Variants in RASGRP3 observed in about 807,000 individuals in gnomAD.
The protein encoded by RASGRP3 is RAS guanyl releasing protein 3.
Under a neutral mutation model 82.7 loss-of-function variants are expected in RASGRP3, and 54 were observed. The observed-to-expected ratio is 0.65, with a 90% confidence interval of 0.52 to 0.82. The LOEUF is 0.82. Ranked by LOEUF, RASGRP3 falls within the 40% of genes least tolerant of loss-of-function variation. The pLI, the probability that RASGRP3 is intolerant of heterozygous loss-of-function variation, is 0.00. For missense variants in RASGRP3, 861 were observed against 828.9 expected (o/e 1.04, Z -0.48); for synonymous variants, 309 against 300.5 (o/e 1.03, Z -0.29).
chr2:33,545,715 AAAG>A (rs1332850637), intron 13 of RASGRP3, among the ~76,000 whole-genome samples: 1 of 152,230 alleles, frequency 6.6e-6, no homozygotes, highest in African/African-American at 2.4e-5. Flanking sequence ...CATATGAAAA[AAAG>A]CTCAATATCA....
intron 10 of RASGRP3, among the ~76,000 whole-genome samples, chr2:33,530,390 A>G (rs185378659): frequency 6.6e-6 from 1 of 151,938 alleles, no homozygotes; most frequent in Non-Finnish European, 1.5e-5. Flanking sequence ...ATAGTTAATT[A>G]CAGTTTTCAC....
At chr2:33,515,244 T>G in intron 3 of RASGRP3, 38 bp downstream of exon 3, 1 of 1,598,722 alleles carries the variant, frequency 6.3e-7, no homozygotes, top group Non-Finnish European at 8.6e-7. Context: ...TTTGGATCTC[T>G]CGATGCTCTC....
chr2:33,514,494 C>T (rs1671236845), intron 2 of RASGRP3, among the ~76,000 whole-genome samples: 2 of 135,412 alleles, frequency 1.5e-5, no homozygotes, highest in Admixed American at 1.6e-4. Flanking sequence ...CATGGTAAAA[C>T]CCCATCTCTA....
intron 10 of RASGRP3, chr2:33,531,034 C>G (rs1264469964): frequency 3.3e-5 from 5 of 152,114 alleles, no homozygotes; most frequent in Admixed American, 6.5e-5. Flanking sequence ...TGGAAAGCCC[C>G]TGTATTTTTA....
chr2:33,538,573 C>T (rs954117016), intron 11 of RASGRP3, among the ~76,000 whole-genome samples: 12 of 151,710 alleles, frequency 7.9e-5, no homozygotes, highest in African/African-American at 2.4e-4. Context: ...AAACAAAAGG[C>T]AGTATCTAAA....
chr2:33,498,729 G>T (rs1168444754), intron 1 of RASGRP3, among the ~76,000 whole-genome samples: 1 of 151,850 alleles, frequency 6.6e-6, no homozygotes, highest in Non-Finnish European at 1.5e-5. Flanking sequence ...TGCTTGTGCG[G>T]CTAGGCACAG....
At chr2:33,442,224 C>T (rs1159219421) in intron 1 of RASGRP3, among the ~76,000 whole-genome samples, 2 of 152,178 alleles carry the variant, frequency 1.3e-5, no homozygotes, top group Non-Finnish European at 2.9e-5. Flanking sequence ...CTTAGCCAGG[C>T]GTGATGGCAT....
intron 1 of RASGRP3, among the ~76,000 whole-genome samples, chr2:33,444,165 G>A (rs1430765917): frequency 6.6e-6 from 1 of 152,042 alleles, no homozygotes; most frequent in East Asian, 1.9e-4. Context: ...CATTAGCTGG[G>A]CATGGTGGTG....
In RASGRP3 at chr2:33,562,877, T is replaced by G; in HGVS notation, c.*140T>G. The stretch of plus-strand genomic sequence containing the variant: ...TACTGCCTTGGGACACTGTGGGATC[T>G]CCATGTTTGGACTATGGGACAGAGA... On this transcript the variant is annotated 3_prime_UTR_variant, in exon 18 of 18. Coordinates refer to ENST00000403687, the MANE Select transcript of RASGRP3 (RefSeq NM_001139488.2). 8.8e-7 allele frequency: 1 copy of G among 1,132,196 alleles called. No individual in the cohort carries two copies. Among genetic ancestry groups the G allele is most frequent in the South Asian group, 1.4e-5 (1 of 69,592 alleles). 70.1% of individuals were successfully genotyped at this position (1,132,196 alleles called of 1,614,324 possible). A position where few individuals can be genotyped will look rare whatever the true frequency, so the allele number is the denominator to read the frequency against.
At position 33,558,992 on chromosome 2, in the gene RASGRP3, G is replaced by T; in HGVS notation, c.2026G>T (p.Asp676Tyr). ...AGACCGGGGCACGGAGTTTGAACTT[G>T]ACCAGGATGAAGGAGAAGAGACCAG... Reference protein sequence around the residue: ...VVDRGTEFELDQDEGEETRQD... With the variant: ...VVDRGTEFELYQDEGEETRQD... Residue 676 changes from aspartate (D) to tyrosine (Y), a missense_variant, in exon 17 of 18, where the codon GAC (aspartate) becomes TAC (tyrosine). Physicochemically the swap from Asp to Tyr is radical, Grantham distance 160 (BLOSUM62 -3). Transcript: ENST00000403687. 2 of 1,613,402 alleles carry T rather than the reference G, an allele frequency of 1.2e-6. No individual in the cohort carries two copies. Among genetic ancestry groups the T allele is most frequent in the South Asian group, 1.1e-5 (1 of 90,902 alleles).
intron 7 of RASGRP3, among the ~76,000 whole-genome samples, chr2:33,523,641 G>T (rs1672244708): frequency 6.6e-6 from 1 of 152,108 alleles, no homozygotes; most frequent in Non-Finnish European, 1.5e-5. Flanking sequence ...TCCCACCAAA[G>T]CTGTGATGTG....
chr2:33,522,861 C>A (rs1473466748), intron 7 of RASGRP3, among the ~76,000 whole-genome samples: 1 of 152,190 alleles, frequency 6.6e-6, no homozygotes, highest in Admixed American at 6.5e-5. Context: ...AAGACTGATT[C>A]TTTCACTAAG....
chr2:33,462,194 GA>G (rs1428320743), intron 2 of RASGRP3, among the ~76,000 whole-genome samples: 2 of 152,074 alleles, frequency 1.3e-5, no homozygotes, highest in South Asian at 4.2e-4. Context: ...GAAAGAAAGT[GA>G]GCATCATTCT....
At position 33,520,704 on chromosome 2, in the gene RASGRP3, C is replaced by T. The variant is rs761448759; in HGVS notation, c.368+20C>T. ...CAGCATGTAAGAGTGGCACCGACGT[C>T]TTTCACACCCAATAAGTCCACCACT... On this transcript the variant is annotated intron_variant, in intron 6 of 17. Transcript: ENST00000403687. 3.8e-5 allele frequency: 61 copies of T among 1,613,080 alleles called. No individual in the cohort carries two copies. The East Asian group carries it at 1.3e-3, about 35-fold the overall frequency.
intron 2 of RASGRP3, among the ~76,000 whole-genome samples, chr2:33,448,817 A>G (rs1181716064): frequency 6.6e-6 from 1 of 152,180 alleles, no homozygotes; most frequent in Non-Finnish European, 1.5e-5. Flanking sequence ...TAGCAAATTT[A>G]TGTTATATAT....
chr2:33,529,305 T>C (rs377562949), intron 10 of RASGRP3, among the ~76,000 whole-genome samples: 2 of 151,464 alleles, frequency 1.3e-5, no homozygotes, highest in Non-Finnish European at 2.9e-5. Flanking sequence ...CCATCCTGGC[T>C]AACACGGTGA....
intron 6 of RASGRP3, among the ~76,000 whole-genome samples, 161 bp from the exon 7 acceptor site, chr2:33,521,794 G>C (rs1672059666): frequency 6.6e-6 from 1 of 152,226 alleles, no homozygotes; most frequent in Non-Finnish European, 1.5e-5. Flanking sequence ...TGTTCTGTTG[G>C]CAACTGGTCA....
chr2:33,530,819 C>G (rs1215251457), intron 10 of RASGRP3: 4 of 148,878 alleles, frequency 2.7e-5, no homozygotes, highest in African/African-American at 5.0e-5. Context: ...GAAGGAGGAC[C>G]ACGCCACCAA....
intron 13 of RASGRP3, among the ~76,000 whole-genome samples, 193 bp from the exon 14 acceptor site, chr2:33,549,408 TCTG>T (rs1675159936): frequency 6.6e-6 from 1 of 152,162 alleles, no homozygotes; most frequent in South Asian, 2.1e-4. Context: ...TACACAATTT[TCTG>T]CTTACTGAAA....
Sources: gnomAD v4.1 joint callset for allele counts (sites outside exome capture counted in the v4.1 genomes callset) on GRCh38, gnomAD v4.1.1 for gene constraint, MANE v1.5 for transcripts, NCBI Gene and HGNC (gene_info 2026-07-23, HGNC 2026-07-21) for gene names.